ERCC8: variants seen among roughly 807,000 people sequenced by gnomAD.
ERCC8 encodes DNA excision repair protein ERCC-8.
In ERCC8, 52 loss-of-function variants were observed where a neutral mutation model predicts 54.9. That is an observed-to-expected ratio of 0.95 (90% CI 0.76 to 1.19). The LOEUF is 1.19. Among genes scored for constraint, ERCC8 ranks in the 50% most tolerant of loss-of-function variants. The pLI is 0.00. For synonymous variants in ERCC8, 146 were observed against 157.2 expected (o/e 0.93, Z 0.53); for missense variants, 514 against 466.1 (o/e 1.10, Z -0.95).
intron 4 of ERCC8, among the ~76,000 whole-genome samples, chr5:60,908,579 A>AT (rs1382761575): frequency 0.019 from 1,758 of 91,714 alleles, 19 homozygotes; most frequent in East Asian, 0.14. Context: ...ATATATATAT[A>AT]TATATTTTTT....
intron 2 of ERCC8, among the ~76,000 whole-genome samples, chr5:60,922,557 TTA>T (rs1749629928): frequency 6.6e-6 from 1 of 152,074 alleles, no homozygotes; most frequent in Non-Finnish European, 1.5e-5. Context: ...TCTGGGCAAG[TTA>T]TACCACCTGT....
In ERCC8 at chr5:60,871,765, TC is replaced by T. The variant is rs777558383; in HGVS notation, c.*2849del. Among the ~76,000 whole-genome samples, 2 of 152,202 alleles carry T rather than the reference TC, an allele frequency of 1.3e-5. No homozygotes were observed. The highest frequency in any genetic ancestry group is 2.9e-5 in the Non-Finnish European group (2 of 68,036). On this transcript the variant is annotated 3_prime_UTR_variant, in exon 12 of 12. Transcript: ENST00000676185. Reference sequence around the variant, plus strand: ...GCAGTTTGGAAGCAGACTTCCTTTTTCTTAAAAATAAATTTCCAATTTTAAT... The same window carrying T: ...GCAGTTTGGAAGCAGACTTCCTTTTTTTAAAAATAAATTTCCAATTTTAAT...
intron 9 of ERCC8, among the ~76,000 whole-genome samples, chr5:60,897,348 T>C (rs778941225): frequency 1.2e-4 from 19 of 152,218 alleles, no homozygotes; most frequent in Non-Finnish European, 1.9e-4. Context: ...CATCTATTAA[T>C]TGATTGATGC....
At chr5:60,881,685 T>G (rs1368026746) in intron 11 of ERCC8, among the ~76,000 whole-genome samples, 1 of 152,184 alleles carries the variant, frequency 6.6e-6, no homozygotes, top group Non-Finnish European at 1.5e-5. Context: ...TCTCCTGGTG[T>G]GCTGTTTGCT....
chr5:60,869,188 T>G lies in ERCC8; in HGVS notation c.*5427A>C, dbSNP rs1351075604. The stretch of plus-strand genomic sequence containing the variant: ...GTCTTCAGTAGTTATATCATTTTTA[T>G]AGAAATAACAAAGTATTAGTATATT... On this transcript the variant is annotated 3_prime_UTR_variant, in exon 12 of 12. Transcript: ENST00000676185. Among the ~76,000 whole-genome samples, 1 of 152,222 alleles carries G rather than the reference T, an allele frequency of 6.6e-6. No homozygotes were observed. Among genetic ancestry groups the G allele is most frequent in the Non-Finnish European group, 1.5e-5 (1 of 68,024 alleles).
At chr5:60,918,827 T>C (rs1749516698) in intron 3 of ERCC8, among the ~76,000 whole-genome samples, 1 of 152,060 alleles carries the variant, frequency 6.6e-6, no homozygotes. Flanking sequence ...CTATACAATA[T>C]TGCTTCTTAT....
rs1747753596 is a variant in ERCC8, at chr5:60,866,591, ACTTTG to A, written c.*8019_*8023del. On this transcript the variant is annotated 3_prime_UTR_variant, in exon 12 of 12. Coordinates refer to ENST00000676185, the MANE Select transcript of ERCC8 (RefSeq NM_000082.4). ...TGGCTCCATAATAATTCACATGGAA[ACTTTG>A]CTTTAAAAGTGTAATTCAGGCAAAA... 6.6e-6 allele frequency: 1 copy of A among 152,218 alleles called. No individual in the cohort carries two copies. The highest frequency in any genetic ancestry group is 2.4e-5 in the African/African-American group (1 of 41,450). 9.4% of individuals were successfully genotyped at this position (152,218 alleles called of 1,614,324 possible).
At chr5:60,936,083 C>T (rs1477446502) in intron 1 of ERCC8, among the ~76,000 whole-genome samples, 1 of 152,170 alleles carries the variant, frequency 6.6e-6, no homozygotes, top group East Asian at 1.9e-4. Context: ...TCTTTTGGAA[C>T]AGTGTCAATA....
chr5:60,944,727 A>C (rs938366433), intron 1 of ERCC8, among the ~76,000 whole-genome samples: 66 of 104,378 alleles, frequency 6.3e-4, no homozygotes, highest in Middle Eastern at 5.6e-3. Flanking sequence ...CCCCCGGGGA[A>C]CCCCCCCCAC....
chr5:60,941,513 G>GA (rs1444450732), intron 1 of ERCC8, among the ~76,000 whole-genome samples: 1 of 151,868 alleles, frequency 6.6e-6, no homozygotes, highest in African/African-American at 2.4e-5. Context: ...AAAAACATTG[G>GA]AAAAAATGGC....
At chr5:60,893,602 G>T in intron 9 of ERCC8, 1 of 624,344 alleles carries the variant, frequency 1.6e-6, no homozygotes, top group Admixed American at 2.6e-5. Flanking sequence ...AAGCAGATAG[G>T]TTCGAATCCG....
chr5:60,898,108 G>C (rs995176340), intron 9 of ERCC8, among the ~76,000 whole-genome samples, 168 bp downstream of exon 9: 5 of 152,090 alleles, frequency 3.3e-5, no homozygotes, highest in African/African-American at 1.2e-4. Context: ...AGTGGGTAAG[G>C]GTGGGTTGTC....
chr5:60,869,177 T>C lies in ERCC8; in HGVS notation c.*5438A>G, dbSNP rs1205035956. On this transcript the variant is annotated 3_prime_UTR_variant, in exon 12 of 12. Transcript: ENST00000676185. ...TAGCTTCTCTAGTCTTCAGTAGTTA[T>C]ATCATTTTTATAGAAATAACAAAGT... is the stretch of plus-strand genomic sequence containing the variant. Among the ~76,000 whole-genome samples the C allele has an allele frequency of 6.6e-6, 1 of 152,236 alleles. No homozygotes were observed. Among genetic ancestry groups the C allele is most frequent in the African/African-American group, 2.4e-5 (1 of 41,470 alleles).
In ERCC8 at chr5:60,903,701, G is replaced by A. The variant is rs1748969569; in HGVS notation, c.497C>T (p.Pro166Leu). The change falls in exon 6 of 12, where the codon CCC (proline) becomes CTC (leucine). Residue 166 changes from proline (P) to leucine (L), a missense_variant. By Grantham distance (98) the Pro-to-Leu change is moderately conservative (BLOSUM62 -3). Coordinates refer to ENST00000676185, the MANE Select transcript of ERCC8 (RefSeq NM_000082.4). The part of the protein sequence containing the change: ...HCLVAVGTRG[P>L]KVQLCDLKSG... ...CTTCAAGTCACAAAGTTGTACTTTG[G>A]GTCCTCTAGTACCAACTGTAAAAAC... The A allele has an allele frequency of 6.2e-7, 1 of 1,612,402 alleles. No individual in the cohort carries two copies. Among genetic ancestry groups the A allele is most frequent in the East Asian group, 2.2e-5 (1 of 44,742 alleles).
rs948131211 is a variant in ERCC8, at chr5:60,870,635, C to A, written c.*3980G>T. 1.3e-5 allele frequency among the ~76,000 whole-genome samples: 2 copies of A among 149,128 alleles called. No individual in the cohort carries two copies. Among genetic ancestry groups the A allele is most frequent in the African/African-American group, 5.0e-5 (2 of 40,400 alleles). ...TGAGATGGCGCCACTGCCCTCTAGTCTGGGTGACAGAATGAGATTTTGTCT... is the reference window on the plus strand; with the variant it reads ...TGAGATGGCGCCACTGCCCTCTAGTATGGGTGACAGAATGAGATTTTGTCT... On this transcript the variant is annotated 3_prime_UTR_variant, in exon 12 of 12. Transcript: ENST00000676185.
chr5:60,905,488 T>C (rs1164192386), intron 4 of ERCC8, among the ~76,000 whole-genome samples: 1 of 152,166 alleles, frequency 6.6e-6, no homozygotes, highest in African/African-American at 2.4e-5. Flanking sequence ...TCCTTCCACT[T>C]GTCAAGACTT....
intron 5 of ERCC8, among the ~76,000 whole-genome samples, chr5:60,903,989 G>C (rs1748979762): frequency 2.0e-5 from 3 of 152,028 alleles, no homozygotes. Context: ...CTAGTATAAA[G>C]AGAACCGTGT....
In ERCC8 at chr5:60,938,644, G is replaced by T. The variant is rs187437964; in HGVS notation, c.77+6288C>A. Among the ~76,000 whole-genome samples, 35 of 152,316 alleles carry T rather than the reference G, an allele frequency of 2.3e-4. 1 individual carries two copies. The East Asian group carries it at 6.2e-3, about 27-fold the overall frequency. On this transcript the variant is annotated intron_variant, in intron 1 of 11. Coordinates refer to ENST00000676185, the MANE Select transcript of ERCC8 (RefSeq NM_000082.4). ...GCTGGGATTACAGGCGTGAGCCACA[G>T]CGCCCGGCTGAATTTGTTAAAGTTT...
chr5:60,894,508 T>C (rs895971674), intron 9 of ERCC8, among the ~76,000 whole-genome samples: 1 of 152,194 alleles, frequency 6.6e-6, no homozygotes, highest in Non-Finnish European at 1.5e-5. Flanking sequence ...GTGTACACTG[T>C]AGTTTTACCT....
Sources: allele counts gnomAD v4.1 joint callset (sites outside exome capture counted in the v4.1 genomes callset), GRCh38; gene constraint gnomAD v4.1.1; transcripts MANE v1.5; gene names NCBI Gene and HGNC (gene_info 2026-07-23, HGNC 2026-07-21).